ITPR2: variants seen among roughly 807,000 people sequenced by gnomAD.
The protein encoded by ITPR2 is inositol 1,4,5-trisphosphate receptor type 2, also known as inositol 1,4,5-trisphosphate-gated calcium channel ITPR2.
ITPR2 carries 207 observed loss-of-function variants against 317.1 expected under a neutral mutation model. The observed-to-expected ratio is 0.65, with a 90% confidence interval of 0.58 to 0.73. The LOEUF is 0.73. Among genes scored for constraint, ITPR2 ranks in the 30% least tolerant of loss-of-function variants. ITPR2 has a pLI of 0.00. For synonymous variants in ITPR2, 1,156 were observed against 1,149.1 expected, an observed-to-expected ratio of 1.01 and a Z score of -0.12; for missense variants, 2,613 against 3,284.0, an observed-to-expected ratio of 0.80 and a Z score of 4.99.
chr12:26,432,286 T>C (rs1941232492), intron 48 of ITPR2, among the ~76,000 whole-genome samples: 1 of 152,194 alleles, frequency 6.6e-6, no homozygotes, highest in African/African-American at 2.4e-5. Context: ...TTTCATAAGC[T>C]TGACACCTTG....
chr12:26,553,164 T>C (rs1944570862), intron 36 of ITPR2, among the ~76,000 whole-genome samples: 1 of 152,212 alleles, frequency 6.6e-6, no homozygotes, highest in Admixed American at 6.5e-5. Context: ...CCTAAGTCAG[T>C]TTAAAAATCT....
chr12:26,665,768 T>C, intron 14 of ITPR2, 142 bp downstream of exon 14: 1 of 717,902 alleles, frequency 1.4e-6, no homozygotes, highest in South Asian at 2.0e-5. Context: ...CCACAGAAAC[T>C]GTGAGACAAG....
intron 55 of ITPR2, among the ~76,000 whole-genome samples, chr12:26,382,676 C>A (rs74930314): frequency 0.11 from 16,417 of 148,738 alleles, 1,334 homozygotes; most frequent in East Asian, 0.31. Flanking sequence ...CACACACACA[C>A]AAAAAAAAAG....
chr12:26,550,419 C>G, intron 36 of ITPR2, 64 bp from the exon 37 acceptor site: 1 of 739,672 alleles, frequency 1.4e-6, no homozygotes, highest in Non-Finnish European at 2.3e-6. Flanking sequence ...ATACAAACAT[C>G]AAAGGCCATA....
chr12:26,610,330 T>C (rs1416657678), intron 26 of ITPR2, among the ~76,000 whole-genome samples: 2 of 152,190 alleles, frequency 1.3e-5, no homozygotes, highest in Non-Finnish European at 2.9e-5. Context: ...CTTCTTAATA[T>C]ATATCCTTCT....
chr12:26,592,072 A>G (rs1298383615), intron 32 of ITPR2, among the ~76,000 whole-genome samples: 1 of 152,240 alleles, frequency 6.6e-6, no homozygotes, highest in African/African-American at 2.4e-5. Context: ...CAGCCAGTAA[A>G]AAAGAATGTG....
chr12:26,667,222 C>T (rs1947649254), intron 13 of ITPR2, among the ~76,000 whole-genome samples: 1 of 152,212 alleles, frequency 6.6e-6, no homozygotes, highest in African/African-American at 2.4e-5. Flanking sequence ...CATCTCTTTT[C>T]TTCTCTTTCA....
At chr12:26,374,618 A>C (rs1371047391) in intron 55 of ITPR2, among the ~76,000 whole-genome samples, 1 of 152,250 alleles carries the variant, frequency 6.6e-6, no homozygotes, top group South Asian at 2.1e-4. Context: ...TTTGTTGAAC[A>C]GTAACTGTGA....
At chr12:26,728,476 G>A (rs970875127) in intron 2 of ITPR2, among the ~76,000 whole-genome samples, 1 of 152,146 alleles carries the variant, frequency 6.6e-6, no homozygotes, top group Admixed American at 6.5e-5. Flanking sequence ...TTATATTACA[G>A]TAAATAATTG....
intron 24 of ITPR2, among the ~76,000 whole-genome samples, chr12:26,623,112 A>G (rs1226370937): frequency 6.6e-6 from 1 of 152,188 alleles, no homozygotes; most frequent in African/African-American, 2.4e-5. Context: ...AAAAACTGCA[A>G]TAAGATGCTT....
intron 9 of ITPR2, among the ~76,000 whole-genome samples, chr12:26,699,803 G>C (rs1948413441): frequency 6.6e-6 from 1 of 152,010 alleles, no homozygotes; most frequent in Non-Finnish European, 1.5e-5. Context: ...TTGAATAATA[G>C]CAGTAATTCT....
In ITPR2 at chr12:26,654,132, T is replaced by TAAAAAA; in HGVS notation, c.2590-12_2590-7dup. 2 of 840,962 alleles carry TAAAAAA rather than the reference T, an allele frequency of 2.4e-6. No individual in the cohort carries two copies. Among genetic ancestry groups the TAAAAAA allele is most frequent in the Non-Finnish European group, 3.1e-6 (2 of 638,412 alleles). 52.1% of individuals were successfully genotyped at this position (840,962 alleles called of 1,614,324 possible). On this transcript the variant is annotated splice_region_variant and splice_polypyrimidine_tract_variant and intron_variant, in intron 20 of 56. Coordinates refer to ENST00000381340, the MANE Select transcript of ITPR2 (RefSeq NM_002223.4). ...TTCCGAGCCAAGTGGACCACCTTAA[T>TAAAAAA]AAAAAAAAAAAAGCGGGGAGGGGGA...
At chr12:26,620,832 T>C (rs1424089202) in intron 26 of ITPR2, among the ~76,000 whole-genome samples, 4 of 152,210 alleles carry the variant, frequency 2.6e-5, no homozygotes, top group Non-Finnish European at 5.9e-5. Context: ...ACTCCTTTTT[T>C]CTCCTTCCAC....
chr12:26,669,978 C>G (rs557951735), intron 13 of ITPR2, among the ~76,000 whole-genome samples: 1 of 152,220 alleles, frequency 6.6e-6, no homozygotes. Flanking sequence ...AACTGCAAGG[C>G]GGCAGCGAGG....
At chr12:26,752,028 T>G (rs1208093417) in intron 2 of ITPR2, among the ~76,000 whole-genome samples, 1 of 152,152 alleles carries the variant, frequency 6.6e-6, no homozygotes, top group Non-Finnish European at 1.5e-5. Context: ...ACAATTAATT[T>G]TCATGGGTAA....
chr12:26,655,407 C>T (rs548226407), intron 20 of ITPR2, among the ~76,000 whole-genome samples: 1 of 151,910 alleles, frequency 6.6e-6, no homozygotes, highest in Non-Finnish European at 1.5e-5. Flanking sequence ...GAGGTCAGGA[C>T]ATCGAGACCA....
intron 55 of ITPR2, among the ~76,000 whole-genome samples, chr12:26,363,255 T>C (rs542330995): frequency 2.0e-5 from 3 of 152,356 alleles, no homozygotes; most frequent in African/African-American, 7.2e-5. Context: ...AAGAATCTAA[T>C]GCCTGCTGAT....
At position 26,502,171 on chromosome 12, in the gene ITPR2, A is replaced by G. The variant is rs1022758757; in HGVS notation, c.5074-6911T>C. Among the ~76,000 whole-genome samples, 8 of 152,340 alleles carry G rather than the reference A, an allele frequency of 5.3e-5. 1 individual carries two copies. The highest frequency in any genetic ancestry group is 4.4e-5 in the Non-Finnish European group (3 of 68,034). ...CCAGTATTTGAATTCCAGGAAGCAT[A>G]CTAACTAACATGAAACCCAACAGAC... is the stretch of plus-strand genomic sequence containing the variant. On this transcript the variant is annotated intron_variant, in intron 37 of 56. Coordinates refer to ENST00000381340, the MANE Select transcript of ITPR2 (RefSeq NM_002223.4).
At chr12:26,440,913 G>A (rs1941473891) in intron 46 of ITPR2, among the ~76,000 whole-genome samples, 1 of 152,116 alleles carries the variant, frequency 6.6e-6, no homozygotes, top group African/African-American at 2.4e-5. Flanking sequence ...AAATGGAGGT[G>A]TGTTAACCGC....
Sources: allele counts gnomAD v4.1 joint callset (sites outside exome capture counted in the v4.1 genomes callset), GRCh38; gene constraint gnomAD v4.1.1; transcripts MANE v1.5; gene names NCBI Gene and HGNC (gene_info 2026-07-23, HGNC 2026-07-21).